Variants in NUP210L observed in about 807,000 individuals in gnomAD.
NUP210L encodes the protein nucleoporin 210 like, also known as nuclear pore membrane glycoprotein 210-like.
In NUP210L, 74 loss-of-function variants were observed where a neutral mutation model predicts 208.5. The ratio of observed to expected loss-of-function variants is 0.35; its 90% CI spans 0.29 to 0.43. The LOEUF (loss-of-function observed/expected upper bound fraction) is 0.43, where lower values mean the gene tolerates loss of function less well. NUP210L is among the 20% of genes least tolerant of loss of function. NUP210L has a pLI of 1.00. For missense variants in NUP210L, 1,843 were observed against 2,289.4 expected (o/e 0.81, Z 3.98); for synonymous variants, 780 against 816.9 (o/e 0.95, Z 0.77).
chr1:154,139,395 T>C (rs114500662), intron 5 of NUP210L, among the ~76,000 whole-genome samples: 1,697 of 152,294 alleles, frequency 0.011, 15 homozygotes, highest in Middle Eastern at 0.034. Flanking sequence ...TTAAGATAAT[T>C]GTTTAATGCT....
intron 7 of NUP210L, among the ~76,000 whole-genome samples, chr1:154,133,262 A>G (rs1658348238): frequency 6.6e-6 from 1 of 152,098 alleles, no homozygotes; most frequent in South Asian, 2.1e-4. Context: ...TTTTCTAACT[A>G]TGCTAGGTAA....
chr1:154,044,546 G>C (rs1409643242), intron 27 of NUP210L, among the ~76,000 whole-genome samples: 1 of 151,982 alleles, frequency 6.6e-6, no homozygotes, highest in Non-Finnish European at 1.5e-5. Flanking sequence ...CTAACCACTA[G>C]AGTTTCCTTA....
At chr1:154,125,807 G>A (rs201955235) in intron 10 of NUP210L, among the ~76,000 whole-genome samples, 1 of 97,324 alleles carries the variant, frequency 1.0e-5, no homozygotes, top group Non-Finnish European at 1.9e-5. Context: ...TCGCTCTGTC[G>A]CCCAGGCTGG....
intron 14 of NUP210L, among the ~76,000 whole-genome samples, chr1:154,097,718 C>T (rs750302105): frequency 2.0e-5 from 3 of 152,090 alleles, no homozygotes; most frequent in Admixed American, 1.3e-4. Flanking sequence ...TGTGGGTGCT[C>T]CTTATTCCAA....
intron 22 of NUP210L, among the ~76,000 whole-genome samples, chr1:154,057,692 G>GTGTGTA (rs1653941227): frequency 1.0e-5 from 1 of 98,474 alleles, no homozygotes; most frequent in Non-Finnish European, 2.2e-5. Flanking sequence ...GACCTCGAAT[G>GTGTGTA]TGTGTGTGTG....
At chr1:154,115,173 T>C (rs557711403) in intron 12 of NUP210L, among the ~76,000 whole-genome samples, 2 of 152,346 alleles carry the variant, frequency 1.3e-5, no homozygotes, top group Non-Finnish European at 2.9e-5. Context: ...ATGGCTGTTA[T>C]TGTCTGATTA....
intron 27 of NUP210L, among the ~76,000 whole-genome samples, chr1:154,042,193 G>T (rs1464776201): frequency 3.3e-5 from 5 of 151,500 alleles, no homozygotes; most frequent in African/African-American, 1.2e-4. Flanking sequence ...TTCACCTCCC[G>T]GGCTCAGGTG....
At chr1:154,144,166 G>A (rs1424647933) in intron 2 of NUP210L, among the ~76,000 whole-genome samples, 1 of 152,046 alleles carries the variant, frequency 6.6e-6, no homozygotes, top group Non-Finnish European at 1.5e-5. Flanking sequence ...GTGCGACAGA[G>A]TGAGACTCTG....
intron 27 of NUP210L, among the ~76,000 whole-genome samples, chr1:154,038,070 T>C (rs142490588): frequency 0.013 from 1,958 of 152,282 alleles, 50 homozygotes; most frequent in African/African-American, 0.045. Flanking sequence ...TTCCTTTTTG[T>C]GAAGGTGATT....
chr1:154,062,871 C>A (rs919788218), intron 17 of NUP210L, among the ~76,000 whole-genome samples: 2 of 152,022 alleles, frequency 1.3e-5, no homozygotes, highest in Admixed American at 1.3e-4. Context: ...TGAGCTACTG[C>A]ACATGGCCTT....
At chr1:154,056,787 C>A in intron 23 of NUP210L, 28 bp downstream of exon 23, 2 of 1,542,390 alleles carry the variant, frequency 1.3e-6, no homozygotes, top group East Asian at 2.4e-5. Context: ...AGAAAAAGTA[C>A]AAATTTTGGA....
In NUP210L at chr1:154,006,966, ATTT is replaced by A. The variant is rs1196661554; in HGVS notation, c.4930+3003_4930+3005del. ...TGTGTGTATATATATATATATATATATTTTTTTTTTTTTTTTAAATGGAGTTTC... is the reference window on the plus strand; with the variant it reads ...TGTGTGTATATATATATATATATATATTTTTTTTTTTTTAAATGGAGTTTC... On this transcript the variant is annotated intron_variant, in intron 35 of 39. Coordinates refer to ENST00000368559, the Ensembl canonical transcript of NUP210L. Among the ~76,000 whole-genome samples the A allele has an allele frequency of 4.3e-4, 50 of 115,774 alleles. 1 individual carries two copies. Among genetic ancestry groups the A allele is most frequent in the East Asian group, 7.5e-4 (3 of 3,980 alleles). The allele number at this position is 115,774 out of a possible 152,430, so 76.0% of individuals were successfully genotyped here.
At chr1:154,153,824 AACAC>A (rs751149108) in intron 1 of NUP210L, among the ~76,000 whole-genome samples, 1 of 152,210 alleles carries the variant, frequency 6.6e-6, no homozygotes, top group East Asian at 1.9e-4. Flanking sequence ...ACGGTCAGGA[AACAC>A]ACACGTCACA....
chr1:154,012,360 T>C lies in NUP210L; in HGVS notation c.4664A>G (p.Asn1555Ser). The C allele has an allele frequency of 2.5e-6, 4 of 1,612,902 alleles. No homozygotes were observed. The highest frequency in any genetic ancestry group is 3.4e-6 in the Non-Finnish European group (4 of 1,179,708). Residue 1555 changes from asparagine to serine, a missense_variant, in exon 34 of 40, where the codon AAT becomes AGT. By Grantham distance (46) the Asn-to-Ser change is conservative (BLOSUM62 1). This residue lies in a region of NUP210L where 781 missense variants were observed against 973.8 expected (regional missense o/e 0.80). Transcript: ENST00000368559. ...ACTGAGCATTAATCTTGATGATGCA[T>C]TGACCACCACCTGTCAGCAAATCAA...
chr1:154,053,289 A>C, intron 25 of NUP210L, among the ~76,000 whole-genome samples: 1 of 152,204 alleles, frequency 6.6e-6, no homozygotes, highest in East Asian at 1.9e-4. Context: ...TTCGATGATG[A>C]TTGTGCTTTT....
At chr1:154,088,328 C>T (rs75187706) in intron 16 of NUP210L, among the ~76,000 whole-genome samples, 1 of 108,182 alleles carries the variant, frequency 9.2e-6, no homozygotes, top group Non-Finnish European at 2.0e-5. Flanking sequence ...GACCCTGTCT[C>T]AAAAAAAAAA....
intron 16 of NUP210L, among the ~76,000 whole-genome samples, chr1:154,082,834 G>C (rs1191864609): frequency 6.6e-6 from 1 of 152,148 alleles, no homozygotes; most frequent in Non-Finnish European, 1.5e-5. Context: ...CTTAAAGGTG[G>C]CACGTCTGGA....
intron 20 of NUP210L, among the ~76,000 whole-genome samples, chr1:154,059,625 G>A (rs949658800): frequency 6.6e-6 from 1 of 152,086 alleles, no homozygotes; most frequent in Non-Finnish European, 1.5e-5. Flanking sequence ...GAAAAATCGC[G>A]TGCATTTATG....
intron 17 of NUP210L, among the ~76,000 whole-genome samples, chr1:154,066,067 T>C (rs1654400395): frequency 6.6e-6 from 1 of 152,078 alleles, no homozygotes; most frequent in Non-Finnish European, 1.5e-5. Context: ...AAGATGTTCT[T>C]TGAAATCAAT....
Sources: allele counts gnomAD v4.1 joint callset (sites outside exome capture counted in the v4.1 genomes callset), GRCh38; gene constraint gnomAD v4.1.1; regional missense constraint gnomAD v4.1.1; transcripts MANE v1.5; gene names NCBI Gene and HGNC (gene_info 2026-07-23, HGNC 2026-07-21).